The following CBX7 variants were observed in gnomAD, a reference collection of about 807,000 sequenced individuals.
CBX7 encodes the protein chromobox 7.
A neutral mutation model predicts 31.4 loss-of-function variants in CBX7; 14 were observed. The observed-to-expected ratio is 0.45, with a 90% CI of 0.29 to 0.70. The LOEUF is 0.70. Among genes scored for constraint, CBX7 ranks in the 30% least tolerant of loss-of-function variants. CBX7 has a pLI of 0.11. For missense variants in CBX7, 269 were observed against 351.9 expected, an observed-to-expected ratio of 0.76 and a Z score of 1.89; for synonymous variants, 159 against 152.6, an observed-to-expected ratio of 1.04 and a Z score of -0.31.
At position 39,134,660 on chromosome 22, in the gene CBX7, G is replaced by A. The variant is rs1187088747; in HGVS notation, c.339C>T (p.Ser113=). The A allele has an allele frequency of 1.3e-6, 2 of 1,587,670 alleles. No individual in the cohort carries two copies. The highest frequency in any genetic ancestry group is 2.3e-5 in the East Asian group (1 of 43,510). Residue 113 remains serine, a synonymous_variant, in exon 5 of 6, where the codon AGC becomes AGT. Coordinates refer to ENST00000216133, the MANE Select transcript of CBX7 (RefSeq NM_175709.5). ...CCCCCGCCTTGACCACCCCCTCAGGGCTCCCGCTGCCGAGTGGGCACGTCA... is the reference window on the plus strand; with the variant it reads ...CCCCCGCCTTGACCACCCCCTCAGGACTCCCGCTGCCGAGTGGGCACGTCA... ...FSLTCPLGSG[S]PEGVVKAGAP...
intron 2 of CBX7, 108 bp downstream of exon 2, chr22:39,149,681 A>G: frequency 1.1e-6 from 1 of 889,158 alleles, no homozygotes; most frequent in South Asian, 1.3e-5. Context: ...GTCCAGTTAC[A>G]AGAGTAGCTG....
intron 5 of CBX7, 90 bp downstream of exon 5, chr22:39,134,311 C>T (rs1016819233): frequency 8.7e-7 from 1 of 1,150,700 alleles, no homozygotes; most frequent in Non-Finnish European, 1.2e-6. Context: ...CAAAGCACTA[C>T]AGGCCCTCTT....
chr22:39,139,600 G>T (rs1930377779), intron 3 of CBX7, among the ~76,000 whole-genome samples: 1 of 151,606 alleles, frequency 6.6e-6, no homozygotes, highest in Admixed American at 6.6e-5. Context: ...CTACTCGGGA[G>T]GCTGAGGCAG....
chr22:39,141,367 G>C lies in CBX7; in HGVS notation c.179+4C>G. Reference sequence around the variant, plus strand: ...CCCACCCGGCGGTGCCGAGGACACCGTACTTCTCCTCGTAGGCCATGACGA... The same window carrying C: ...CCCACCCGGCGGTGCCGAGGACACCCTACTTCTCCTCGTAGGCCATGACGA... On this transcript the variant is annotated splice_donor_region_variant and intron_variant, in intron 3 of 5. Coordinates refer to ENST00000216133, the MANE Select transcript of CBX7 (RefSeq NM_175709.5). 2 of 1,610,518 alleles carry C rather than the reference G, an allele frequency of 1.2e-6. No individual in the cohort carries two copies. The highest frequency in any genetic ancestry group is 1.1e-5 in the South Asian group (1 of 90,230).
chr22:39,150,496 C>T (rs186722085), intron 1 of CBX7, among the ~76,000 whole-genome samples: 3 of 152,314 alleles, frequency 2.0e-5, no homozygotes, highest in Admixed American at 6.5e-5. Flanking sequence ...TTTACAGTTA[C>T]GGTGGCTCAA....
intron 1 of CBX7, among the ~76,000 whole-genome samples, chr22:39,150,181 G>C (rs1930801667): frequency 6.6e-6 from 1 of 152,218 alleles, no homozygotes; most frequent in Non-Finnish European, 1.5e-5. Context: ...AGTGTCTAGA[G>C]CCCCAGTGCA....
chr22:39,144,251 C>T (rs367706962), intron 2 of CBX7, among the ~76,000 whole-genome samples: 1 of 152,228 alleles, frequency 6.6e-6, no homozygotes, highest in Non-Finnish European at 1.5e-5. Flanking sequence ...AGCCCTGAGC[C>T]TGGGCTGCCC....
Position 39,133,812 on chromosome 22 carries a change from G to GC in CBX7, c.*78dup. ...TTTTTTTAAATAAAATAATTACCCC[G>GC]CCCCCAACCCATCCCTATCTCTGGA... On this transcript the variant is annotated 3_prime_UTR_variant, in exon 6 of 6. Coordinates refer to ENST00000216133, the MANE Select transcript of CBX7 (RefSeq NM_175709.5). 1 of 1,285,156 alleles carries GC rather than the reference G, an allele frequency of 7.8e-7. No individual in the cohort carries two copies. The highest frequency in any genetic ancestry group is 1.1e-6 in the Non-Finnish European group (1 of 950,548). The allele number at this position is 1,285,156 out of a possible 1,614,324, so 79.6% of individuals were successfully genotyped here. A position where few individuals can be genotyped will look rare whatever the true frequency, so the allele number is the denominator to read the frequency against.
At chr22:39,136,080 ACTCT>A (rs970178673) in intron 4 of CBX7, 2 of 141,162 alleles carry the variant, frequency 1.4e-5, no homozygotes, top group Non-Finnish European at 3.0e-5. Context: ...ACAGAGCGAG[ACTCT>A]GTCTGGGAAA....
In CBX7 at chr22:39,131,597, G is replaced by A. The variant is rs186480693; in HGVS notation, c.*2294C>T. 314 of 152,410 alleles carry A rather than the reference G, an allele frequency of 2.1e-3. No homozygotes were observed. The Middle Eastern group carries it at 0.03, about 15-fold the overall frequency. The allele number at this position is 152,410 out of a possible 1,614,324, so 9.4% of individuals were successfully genotyped here. On this transcript the variant is annotated 3_prime_UTR_variant, in exon 6 of 6. Transcript: ENST00000216133. ...CCCACCCGTCCCAGGTCACACCCCT[G>A]GAGTTCAGCTCTCCCTGAGCCACGG...
intron 2 of CBX7, among the ~76,000 whole-genome samples, chr22:39,144,438 AC>A (rs1426159561): frequency 6.6e-6 from 1 of 152,038 alleles, no homozygotes; most frequent in Non-Finnish European, 1.5e-5. Context: ...TTACAGCTAT[AC>A]CTAGCCTTGG....
chr22:39,137,264 T>C (rs1173906526), intron 4 of CBX7, among the ~76,000 whole-genome samples: 1 of 150,668 alleles, frequency 6.6e-6, no homozygotes, highest in African/African-American at 2.4e-5. Flanking sequence ...ACTGCTCCAA[T>C]GAACACTTCC....
chr22:39,134,859 AC>A, intron 4 of CBX7, 107 bp from the exon 5 acceptor site: 1 of 684,860 alleles, frequency 1.5e-6, no homozygotes, highest in Non-Finnish European at 2.3e-6. Flanking sequence ...TGCCATGTCT[AC>A]CCACTCAACT....
chr22:39,150,642 T>C (rs1482540841), intron 1 of CBX7, among the ~76,000 whole-genome samples: 1 of 152,116 alleles, frequency 6.6e-6, no homozygotes. Flanking sequence ...TGGTGGCACT[T>C]GTCTGTGGTC....
rs563624787 is a variant in CBX7 at position 39,146,024 on chromosome 22, C to T, written c.113+3765G>A. ...CACCCGGAACCCCGCAGAGCCAGGC[C>T]AACCCCCAAGCCCCAGTCCCCACTC... is the stretch of plus-strand genomic sequence containing the variant. On this transcript the variant is annotated intron_variant, in intron 2 of 5. Transcript: ENST00000216133. 7.3e-4 allele frequency among the ~76,000 whole-genome samples: 111 copies of T among 152,278 alleles called. 1 individual carries two copies. Among genetic ancestry groups the T allele is most frequent in the South Asian group, 5.2e-3 (25 of 4,828 alleles).
chr22:39,135,172 G>A (rs1930207534), intron 4 of CBX7: 1 of 170,210 alleles, frequency 5.9e-6, no homozygotes, highest in African/African-American at 2.4e-5. Context: ...GGTGCAGGCA[G>A]AGGGCCAAGG....
chr22:39,141,610 G>A (rs1385903970), intron 2 of CBX7, among the ~76,000 whole-genome samples, 174 bp from the exon 3 acceptor site: 2 of 152,078 alleles, frequency 1.3e-5, no homozygotes, highest in African/African-American at 2.4e-5. Context: ...TTAGCCGGGC[G>A]TGGTGGTGCA....
chr22:39,148,163 A>G (rs1179376238), intron 2 of CBX7: 1 of 152,336 alleles, frequency 6.6e-6, no homozygotes, highest in African/African-American at 2.4e-5. Context: ...ATGAGGGCCC[A>G]TCTGGTGGCC....
chr22:39,141,308 AG>A (rs1373538500), intron 3 of CBX7, 62 bp downstream of exon 3: 2 of 1,433,258 alleles, frequency 1.4e-6, no homozygotes, highest in Non-Finnish European at 9.7e-7. Context: ...AGCCAGCAGC[AG>A]GCTCCTGGGA....
Sources: allele counts gnomAD v4.1 joint callset (sites outside exome capture counted in the v4.1 genomes callset), GRCh38; gene constraint gnomAD v4.1.1; transcripts MANE v1.5; gene names NCBI Gene and HGNC (gene_info 2026-07-23, HGNC 2026-07-21).